Variants in CELSR1 observed in about 807,000 individuals in gnomAD.
The protein encoded by CELSR1 is cadherin EGF LAG seven-pass G-type receptor 1, also known as adhesion G protein-coupled receptor C1.
Under a neutral mutation model 249.1 loss-of-function variants are expected in CELSR1, and 110 were observed. The observed-to-expected ratio is 0.44, with a 90% CI of 0.38 to 0.52. The LOEUF (loss-of-function observed/expected upper bound fraction) is 0.52, where lower values mean the gene tolerates loss of function less well. Among genes scored for constraint, CELSR1 ranks in the 20% least tolerant of loss-of-function variants. The pLI is 0.00. For missense variants in CELSR1, 4,109 were observed against 4,296.4 expected, an observed-to-expected ratio of 0.96 and a Z score of 1.22; for synonymous variants, 2,113 against 1,900.0, an observed-to-expected ratio of 1.11 and a Z score of -2.92.
In CELSR1 at chr22:46,390,053, T is replaced by C. The variant is rs979824569; in HGVS notation, c.6345+339A>G. Among the ~76,000 whole-genome samples the C allele has an allele frequency of 6.6e-6, 1 of 151,982 alleles. No individual in the cohort carries two copies. The highest frequency in any genetic ancestry group is 6.5e-5 in the Admixed American group (1 of 15,274). ...GGGCCAAAGAGGGCTCAGAGAAAGA[T>C]AGCGAGTGGGAGACGTGGGAACAAA... On this transcript the variant is annotated intron_variant, in intron 17 of 34. Transcript: ENST00000674500. The surrounding 1 kb of genome is among the most constrained non-coding windows in gnomAD (Gnocchi z 6.3).
chr22:46,419,900 T>C (rs960460262), intron 5 of CELSR1, among the ~76,000 whole-genome samples: 8 of 150,846 alleles, frequency 5.3e-5, no homozygotes, highest in African/African-American at 2.0e-4. Flanking sequence ...CTCACATTCA[T>C]GTGCATTTAT....
Position 46,381,739 on chromosome 22 carries a change from TGTC to T in CELSR1, c.7088+104_7088+106del. 3 of 1,045,770 alleles carry T rather than the reference TGTC, an allele frequency of 2.9e-6. No individual in the cohort carries two copies. Among genetic ancestry groups the T allele is most frequent in the South Asian group, 3.1e-5 (2 of 63,910 alleles). The allele number at this position is 1,045,770 out of a possible 1,614,324, so 64.8% of individuals were successfully genotyped here. A position where few individuals can be genotyped will look rare whatever the true frequency, so the allele number is the denominator to read the frequency against. The stretch of plus-strand genomic sequence containing the variant: ...TCTCTGGGCCAGGGTCACGGTGAAA[TGTC>T]ACTGTGAAGACCTGTGCTTGATCAG... On this transcript the variant is annotated intron_variant, in intron 21 of 34. Coordinates refer to ENST00000674500, the MANE Select transcript of CELSR1 (RefSeq NM_001378328.1). This position sits in a 1 kb window ranked among gnomAD's most constrained non-coding sequence, Gnocchi z 6.0.
At position 46,447,898 on chromosome 22, in the gene CELSR1, G is replaced by A. The variant is rs1365833882; in HGVS notation, c.4184-8487C>T. Among the ~76,000 whole-genome samples, 1 of 152,164 alleles carries A rather than the reference G, an allele frequency of 6.6e-6. No homozygotes were observed. The highest frequency in any genetic ancestry group is 2.4e-5 in the African/African-American group (1 of 41,432). On this transcript the variant is annotated intron_variant, in intron 2 of 34. Coordinates refer to ENST00000674500, the MANE Select transcript of CELSR1 (RefSeq NM_001378328.1). The surrounding 1 kb of genome is among the most constrained non-coding windows in gnomAD (Gnocchi z 4.7). ...GCCTCCCAAAGTGCTGGGATTACAGGTGCGAGCCACCACACCCGGCCAGAA... is the reference window on the plus strand; with the variant it reads ...GCCTCCCAAAGTGCTGGGATTACAGATGCGAGCCACCACACCCGGCCAGAA...
intron 2 of CELSR1, among the ~76,000 whole-genome samples, chr22:46,444,047 GCT>G (rs1569167324): frequency 6.6e-6 from 1 of 152,174 alleles, no homozygotes; most frequent in Non-Finnish European, 1.5e-5. Context: ...TCCCACAGCC[GCT>G]TCTGTCTGTC....
chr22:46,443,762 A>G (rs936014863), intron 2 of CELSR1, among the ~76,000 whole-genome samples: 1 of 152,214 alleles, frequency 6.6e-6, no homozygotes, highest in Non-Finnish European at 1.5e-5. Flanking sequence ...GCACACTCAT[A>G]TGAGCAAGTC....
intron 1 of CELSR1, among the ~76,000 whole-genome samples, chr22:46,477,511 T>G (rs2080221596): frequency 9.1e-6 from 1 of 109,494 alleles, no homozygotes; most frequent in African/African-American, 3.2e-5. Flanking sequence ...TTTGTTTTAT[T>G]GGCTTTTTTT....
At position 46,378,600 on chromosome 22, in the gene CELSR1, G is replaced by T; in HGVS notation, c.7374C>A (p.Ser2458=). The T allele has an allele frequency of 6.3e-7, 1 of 1,576,178 alleles. No homozygotes were observed. The highest frequency in any genetic ancestry group is 8.6e-7 in the Non-Finnish European group (1 of 1,161,416). ...TASFAVLMDI[S]RRENGEVLPL... is the part of the protein sequence containing the mutation. ...ACGGGAGGATGCCCACCTCACGCCT[G>T]GAGATATCCATGAGCACCGCAAAGC... The change falls in exon 23 of 35, where the codon TCC becomes TCA. Residue 2458 remains serine, a synonymous_variant. Transcript: ENST00000674500.
At chr22:46,439,006 C>T (rs1327911481) in intron 3 of CELSR1, among the ~76,000 whole-genome samples, 183 bp downstream of exon 3, 1 of 152,216 alleles carries the variant, frequency 6.6e-6, no homozygotes, top group Non-Finnish European at 1.5e-5. Flanking sequence ...GATCCACCCG[C>T]CTCGGCCTCC....
rs187463207 is a variant in CELSR1, at chr22:46,417,118, G to A, written c.4612-5359C>T. The stretch of plus-strand genomic sequence containing the variant: ...ACAGAGTCAAACTGCAGCGCTGAAC[G>A]TTCCATGCTGTCATTTCTCAAGATG... On this transcript the variant is annotated intron_variant, in intron 5 of 34. Transcript: ENST00000674500. This position sits in a 1 kb window ranked among gnomAD's most constrained non-coding sequence, Gnocchi z 4.1. 2.6e-5 allele frequency among the ~76,000 whole-genome samples: 4 copies of A among 152,244 alleles called. No individual in the cohort carries two copies. The highest frequency in any genetic ancestry group is 4.8e-5 in the African/African-American group (2 of 41,572).
Position 46,389,299 on chromosome 22 carries a change from G to C in CELSR1, c.6546C>G (p.Asp2182Glu). ...GCGGCCACCCGCCTACCTCGTGAAA[G>C]TCGGCGTCCTGCGTGGCTGCCAGGT... ...GFDLAATQDA[D>E]FHEDVIHSGS... The change falls in exon 18 of 35, where the codon GAC becomes GAG. Residue 2182 changes from aspartate (D) to glutamate (E), a missense_variant. Transcript: ENST00000674500. The C allele has an allele frequency of 6.2e-7, 1 of 1,605,662 alleles. No homozygotes were observed. The highest frequency in any genetic ancestry group is 8.5e-7 in the Non-Finnish European group (1 of 1,179,708).
chr22:46,431,402 A>G lies in CELSR1; in HGVS notation c.4611+1991T>C, dbSNP rs8139301. On this transcript the variant is annotated intron_variant, in intron 5 of 34. Transcript: ENST00000674500. ...TGGAGTGTTGAGCACTGATGGGGAG[A>G]CCAAGGCTGACTCGACCTCCCCCTG... 2.1e-3 allele frequency among the ~76,000 whole-genome samples: 326 copies of G among 152,282 alleles called. 2 individuals are homozygous for G. Among genetic ancestry groups the G allele is most frequent in the African/African-American group, 7.6e-3 (315 of 41,546 alleles).
intron 1 of CELSR1, among the ~76,000 whole-genome samples, chr22:46,522,027 C>A (rs1217546339): frequency 2.6e-5 from 4 of 152,158 alleles, no homozygotes; most frequent in African/African-American, 9.7e-5. Flanking sequence ...GTTTTTTTGA[C>A]CACAGTCATC....
Position 46,464,118 on chromosome 22 carries a change from G to C in CELSR1, c.3772C>G (p.Leu1258Val), listed in dbSNP as rs1344383834. Residue 1258 changes from leucine (L) to valine (V), a missense_variant, in exon 2 of 35, where the codon CTG (leucine) becomes GTG (valine). Physicochemically the swap from Leu to Val is conservative, Grantham distance 32. Transcript: ENST00000674500. The surrounding 1 kb of genome is among the most constrained non-coding windows in gnomAD (Gnocchi z 8.5). ...QNDTDVSSNI[L>V]NVTFSALLPG... ...AGCAGCGCCGAGAAGGTCACGTTCA[G>C]GATGTTGGAGCTGACGTCGGTGTCG... The C allele has an allele frequency of 2.5e-6, 4 of 1,613,888 alleles. No individual in the cohort carries two copies. Among genetic ancestry groups the C allele is most frequent in the Non-Finnish European group, 2.5e-6 (3 of 1,180,052 alleles).
intron 5 of CELSR1, among the ~76,000 whole-genome samples, chr22:46,432,140 A>G (rs540082041): frequency 5.3e-5 from 8 of 152,136 alleles, no homozygotes; most frequent in African/African-American, 1.9e-4. Flanking sequence ...GGTGACCACT[A>G]CTTGGAGTCT....
intron 9 of CELSR1, among the ~76,000 whole-genome samples, chr22:46,400,650 AATC>A (rs2079201555): frequency 6.6e-6 from 1 of 152,100 alleles, no homozygotes; most frequent in South Asian, 2.1e-4. Context: ...TCAAAATAAT[AATC>A]ATCATTAGAC....
In CELSR1 at chr22:46,374,916, A is replaced by G. The variant is rs2078902223; in HGVS notation, c.7585-1859T>C. Among the ~76,000 whole-genome samples the G allele has an allele frequency of 6.6e-6, 1 of 152,128 alleles. No homozygotes were observed. Among genetic ancestry groups the G allele is most frequent in the Non-Finnish European group, 1.5e-5 (1 of 68,016 alleles). ...GCCCGGGGCCTCGGCCTCGGGAAGC[A>G]CCTGGGAGGCGGCGGGGAAGGTTGG... On this transcript the variant is annotated intron_variant, in intron 24 of 34. Transcript: ENST00000674500. This position sits in a 1 kb window ranked among gnomAD's most constrained non-coding sequence, Gnocchi z 4.3.
rs34099713 is a variant in CELSR1 at position 46,468,385 on chromosome 22, CAAAA to C, written c.3545-4044_3545-4041del. On this transcript the variant is annotated intron_variant, in intron 1 of 34. Coordinates refer to ENST00000674500, the MANE Select transcript of CELSR1 (RefSeq NM_001378328.1). The surrounding 1 kb of genome is among the most constrained non-coding windows in gnomAD (Gnocchi z 4.5). ...TGGGCAACAAAGCAAGACTCTGTCT[CAAAA>C]AAAAAAAAAAATGTGGTCCATGCAT... is the stretch of plus-strand genomic sequence containing the variant. Among the ~76,000 whole-genome samples, 1 of 141,740 alleles carries C rather than the reference CAAAA, an allele frequency of 7.1e-6. No individual in the cohort carries two copies. 93.0% of individuals were successfully genotyped at this position (141,740 alleles called of 152,430 possible).
intron 25 of CELSR1, among the ~76,000 whole-genome samples, chr22:46,371,530 T>G (rs146024049): frequency 0.012 from 1,813 of 152,224 alleles, 26 homozygotes; most frequent in African/African-American, 0.042. Context: ...ACTGATTCAC[T>G]AATTCATTCA....
chr22:46,390,466 T>C lies in CELSR1; in HGVS notation c.6271A>G (p.Ser2091Gly). The C allele has an allele frequency of 1.2e-6, 2 of 1,613,868 alleles. No individual in the cohort carries two copies. Among genetic ancestry groups the C allele is most frequent in the Non-Finnish European group, 1.7e-6 (2 of 1,179,938 alleles). The change falls in exon 17 of 35, where the codon AGC (serine) becomes GGC (glycine). Residue 2091 changes from serine (S) to glycine (G), a missense_variant. Ser to Gly is a moderately conservative substitution (Grantham distance 56). Around this residue, in one of 7 missense-constraint regions of CELSR1, gnomAD observed 1,805 missense variants for 1,831.6 expected, o/e 0.99. Transcript: ENST00000674500. The surrounding 1 kb of genome is among the most constrained non-coding windows in gnomAD (Gnocchi z 6.3). The part of the protein sequence containing the change: ...GSVGNAVRHC[S>G]GEKGWLPPEL... ...GGGGGCAGCCAGCCCTTCTCCCCGC[T>C]GCAGTGTCGGACCGCATTTCCTGGG...
Sources: allele counts gnomAD v4.1 joint callset (sites outside exome capture counted in the v4.1 genomes callset), GRCh38; gene constraint gnomAD v4.1.1; regional missense constraint gnomAD v4.1.1; non-coding constraint Gnocchi (gnomAD v3.1); transcripts MANE v1.5; gene names NCBI Gene and HGNC (gene_info 2026-07-23, HGNC 2026-07-21).